Variants in CHD1 observed in about 807,000 individuals in gnomAD.
CHD1 encodes the protein chromodomain helicase DNA binding protein 1.
In CHD1, 36 loss-of-function variants were observed where a neutral mutation model predicts 224.2. The ratio of observed to expected loss-of-function variants is 0.16; its 90% confidence interval spans 0.12 to 0.21. The LOEUF is 0.21. Among genes scored for constraint, CHD1 ranks in the 10% least tolerant of loss-of-function variants. The pLI is 1.00. For synonymous variants in CHD1, 668 were observed against 658.3 expected (o/e 1.01, Z -0.23); for missense variants, 1,378 against 1,994.8 (o/e 0.69, Z 5.89).
chr5:98,902,651 A>G (rs1008235001), intron 5 of CHD1, among the ~76,000 whole-genome samples: 1 of 152,124 alleles, frequency 6.6e-6, no homozygotes, highest in Non-Finnish European at 1.5e-5. Flanking sequence ...GGAGATCATT[A>G]AAGTTTAAAA....
intron 2 of CHD1, among the ~76,000 whole-genome samples, chr5:98,909,656 A>C (rs1004023227): frequency 3.3e-5 from 5 of 151,976 alleles, no homozygotes; most frequent in Non-Finnish European, 7.4e-5. Context: ...ATATTTGTTA[A>C]CTCTGAGGTA....
Position 98,928,621 on chromosome 5 carries a change from CCT to C in CHD1, c.-233_-232del, listed in dbSNP as rs1467401565. On this transcript the variant is annotated 5_prime_UTR_variant, in exon 1 of 36. Coordinates refer to ENST00000614616, the MANE Select transcript of CHD1 (RefSeq NM_001270.4). ...AGGCCCGGGATCTCCGCCGCCCAGTCCTAGGGCTCCGGCGTCTCGGGGTAAGC... is the reference window on the plus strand; with the variant it reads ...AGGCCCGGGATCTCCGCCGCCCAGTCAGGGCTCCGGCGTCTCGGGGTAAGC... The C allele has an allele frequency of 6.6e-6, 1 of 152,278 alleles. No individual in the cohort carries two copies. Among genetic ancestry groups the C allele is most frequent in the African/African-American group, 2.4e-5 (1 of 41,454 alleles). The allele number at this position is 152,278 out of a possible 1,614,324, so 9.4% of individuals were successfully genotyped here.
chr5:98,924,626 C>A (rs1753327503), intron 2 of CHD1, among the ~76,000 whole-genome samples: 1 of 152,170 alleles, frequency 6.6e-6, no homozygotes, highest in Non-Finnish European at 1.5e-5. Context: ...TCTTGCTTAT[C>A]CAAACAGTAT....
At chr5:98,922,167 C>CCA (rs199655123) in intron 2 of CHD1, among the ~76,000 whole-genome samples, 1 of 151,866 alleles carries the variant, frequency 6.6e-6, no homozygotes, top group Non-Finnish European at 1.5e-5. Context: ...AAAAAACAAA[C>CCA]CACACACACA....
chr5:98,859,914 G>C (rs1343705809), intron 33 of CHD1, 58 bp downstream of exon 33: 3 of 883,324 alleles, frequency 3.4e-6, no homozygotes, highest in Non-Finnish European at 3.5e-6. Flanking sequence ...TCTGTAAAAA[G>C]AATGTCTCAA....
At chr5:98,881,922 AAT>A (rs754282548) in intron 20 of CHD1, 51 bp downstream of exon 20, 62 of 1,495,190 alleles carry the variant, frequency 4.1e-5, no homozygotes, top group Non-Finnish European at 5.4e-5. Flanking sequence ...ACATATCAAA[AAT>A]ATGAGTTTAC....
chr5:98,876,772 CA>C (rs1749794430), intron 23 of CHD1, among the ~76,000 whole-genome samples: 1 of 152,110 alleles, frequency 6.6e-6, no homozygotes, highest in African/African-American at 2.4e-5. Context: ...CAAAAGCCTC[CA>C]AAAGTTATTC....
chr5:98,876,706 G>C (rs1408554340), intron 23 of CHD1, 148 bp from the exon 24 acceptor site: 1 of 654,892 alleles, frequency 1.5e-6, no homozygotes, highest in East Asian at 2.7e-5. Context: ...AGCAAACAGA[G>C]AAAAATATAT....
intron 14 of CHD1, among the ~76,000 whole-genome samples, 189 bp downstream of exon 14, chr5:98,893,227 T>C (rs1323982514): frequency 2.0e-5 from 3 of 152,184 alleles, no homozygotes; most frequent in African/African-American, 7.2e-5. Flanking sequence ...CTTAAGTTTA[T>C]TAACAAAATT....
chr5:98,870,560 C>G, intron 29 of CHD1, 127 bp downstream of exon 29: 1 of 488,420 alleles, frequency 2.0e-6, no homozygotes. Flanking sequence ...TCAAATAAAA[C>G]TACTTAATTA....
At chr5:98,900,706 C>T in intron 7 of CHD1, 105 bp downstream of exon 7, 1 of 971,248 alleles carries the variant, frequency 1.0e-6, no homozygotes, top group Non-Finnish European at 1.5e-6. Context: ...TCGGCCTCGG[C>T]CCCCCAAAGT....
Position 98,900,958 on chromosome 5 carries a change from C to T in CHD1, c.712G>A (p.Val238Ile), listed in dbSNP as rs758449043. 3.1e-6 allele frequency: 5 copies of T among 1,614,064 alleles called. No individual in the cohort carries two copies. The Admixed American group carries it at 5.0e-5, about 16-fold the overall frequency. Reference protein sequence around the residue: ...DKRSSRRQATVNVSYKEDEEM... With the variant: ...DKRSSRRQATINVSYKEDEEM... ...TCATCCTCCTTATAGCTAACATTAA[C>T]AGTTGCTTGGCGACGAGAACTTCTT... Residue 238 changes from valine to isoleucine, a missense_variant, in exon 7 of 36, where the codon GTT becomes ATT. By Grantham distance (29) the Val-to-Ile change is conservative (BLOSUM62 3). Around this residue, in one of 16 missense-constraint regions of CHD1, gnomAD observed 306 missense variants for 298.1 expected, o/e 1.03. Coordinates refer to ENST00000614616, the MANE Select transcript of CHD1 (RefSeq NM_001270.4).
At chr5:98,924,264 A>T (rs749700262) in intron 2 of CHD1, among the ~76,000 whole-genome samples, 1 of 152,002 alleles carries the variant, frequency 6.6e-6, no homozygotes, top group Non-Finnish European at 1.5e-5. Context: ...AGAAAAGAAA[A>T]GAAAAAAAAA....
intron 32 of CHD1, among the ~76,000 whole-genome samples, chr5:98,862,272 G>T (rs571497794): frequency 6.6e-6 from 1 of 152,342 alleles, no homozygotes; most frequent in East Asian, 1.9e-4. Context: ...GGTTTAACCA[G>T]AGAGAGTGGC....
chr5:98,906,789 T>C (rs1479261783), intron 2 of CHD1, among the ~76,000 whole-genome samples: 2 of 152,184 alleles, frequency 1.3e-5, no homozygotes, highest in Middle Eastern at 3.2e-3. Flanking sequence ...GTGAGTTCTA[T>C]TAAATTATTC....
In CHD1 at chr5:98,893,619, G is replaced by GA; in HGVS notation, c.1801-14dup. On this transcript the variant is annotated splice_polypyrimidine_tract_variant and intron_variant, in intron 13 of 35. Coordinates refer to ENST00000614616, the MANE Select transcript of CHD1 (RefSeq NM_001270.4). ...CTCCAAGGAATGCCTTAAAATAATA[G>GA]AAAAACAGTATTTTGAGAGAAAAAC... The GA allele has an allele frequency of 1.3e-6, 2 of 1,503,298 alleles. No individual in the cohort carries two copies. Among genetic ancestry groups the GA allele is most frequent in the Non-Finnish European group, 1.8e-6 (2 of 1,116,392 alleles). 93.1% of individuals were successfully genotyped at this position (1,503,298 alleles called of 1,614,324 possible).
rs1292738107 is a variant in CHD1, at chr5:98,889,112, A to T, written c.2307T>A (p.Asp769Glu). The change falls in exon 16 of 36, where the codon GAT becomes GAA. Residue 769 changes from aspartate (D) to glutamate (E), a missense_variant. This residue lies in a region of CHD1 where 58 missense variants were observed against 90.0 expected (regional missense o/e 0.64). Transcript: ENST00000614616. ...CNHCYLIKPP[D>E]NNEFYNKQEA... ...CCTGTTTATTATAGAATTCATTATT[A>T]TCTGGTGGTTTAATGAGGTAGCAAT... 6.3e-7 allele frequency: 1 copy of T among 1,599,218 alleles called. No homozygotes were observed. The highest frequency in any genetic ancestry group is 8.6e-7 in the Non-Finnish European group (1 of 1,167,940).
chr5:98,860,804 A>G (rs1010592876), intron 32 of CHD1: 3 of 152,224 alleles, frequency 2.0e-5, no homozygotes, highest in Non-Finnish European at 4.4e-5. Flanking sequence ...ACCTTGAAAT[A>G]TATTTTTAAA....
chr5:98,901,898 G>T (rs161940), intron 5 of CHD1, among the ~76,000 whole-genome samples: 20,855 of 151,930 alleles, frequency 0.14, 1,806 homozygotes, highest in Middle Eastern at 0.27. Context: ...GCTATCATAA[G>T]AAGTTCAAAT....
Sources: allele counts gnomAD v4.1 joint callset (sites outside exome capture counted in the v4.1 genomes callset), GRCh38; gene constraint gnomAD v4.1.1; regional missense constraint gnomAD v4.1.1; transcripts MANE v1.5; gene names NCBI Gene and HGNC (gene_info 2026-07-23, HGNC 2026-07-21).